GALNT14: variants seen among roughly 807,000 people sequenced by gnomAD.
The protein encoded by GALNT14 is polypeptide N-acetylgalactosaminyltransferase 14.
Under a neutral mutation model 77.5 loss-of-function variants are expected in GALNT14, and 60 were observed. That is an observed-to-expected ratio of 0.77 (90% CI 0.63 to 0.96). The LOEUF (loss-of-function observed/expected upper bound fraction) is 0.96. GALNT14 is among the 40% of genes least tolerant of loss of function. The pLI is 0.00. For synonymous variants in GALNT14, 280 were observed against 281.7 expected (o/e 0.99, Z 0.06); for missense variants, 710 against 731.0 (o/e 0.97, Z 0.33).
Position 30,980,717 on chromosome 2 carries a change from A to T in GALNT14, c.299+12121T>A, listed in dbSNP as rs140197828. On this transcript the variant is annotated intron_variant, in intron 2 of 14. Transcript: ENST00000349752. ...CTTCCTTCTCTGTGAAATGGCAATGACCTCTTCACCCAAAGGGCTACTGAG... is the reference window on the plus strand; with the variant it reads ...CTTCCTTCTCTGTGAAATGGCAATGTCCTCTTCACCCAAAGGGCTACTGAG... Among the ~76,000 whole-genome samples the T allele has an allele frequency of 4.6e-3, 695 of 152,248 alleles. 2 individuals are homozygous for T. Among genetic ancestry groups the T allele is most frequent in the Non-Finnish European group, 8.2e-3 (557 of 68,004 alleles).
chr2:30,945,609 C>T (rs1364102073), intron 7 of GALNT14, among the ~76,000 whole-genome samples, 174 bp downstream of exon 7: 1 of 152,214 alleles, frequency 6.6e-6, no homozygotes, highest in East Asian at 1.9e-4. Context: ...CCCCCTAGCC[C>T]TTCCATCCAC....
chr2:30,961,324 C>G (rs1037859490), intron 3 of GALNT14, among the ~76,000 whole-genome samples: 3 of 152,168 alleles, frequency 2.0e-5, no homozygotes, highest in African/African-American at 7.2e-5. Context: ...TCCATAAATA[C>G]CAGTAGAATG....
At chr2:31,082,285 C>G (rs573757642) in intron 1 of GALNT14, among the ~76,000 whole-genome samples, 1 of 152,360 alleles carries the variant, frequency 6.6e-6, no homozygotes, top group Admixed American at 6.5e-5. Context: ...CCAAGGCAGC[C>G]TCAGGATCCA....
the GALNT14 span, among the ~76,000 whole-genome samples, chr2:30,903,366 C>T: frequency 3.2e-3 from 486 of 152,320 alleles, no homozygotes; most frequent in Non-Finnish European, 5.8e-3. Context: ...ACACCTGATG[C>T]CTTGCTTCTC....
At chr2:30,934,336 A>T (rs1488394974) in intron 9 of GALNT14, among the ~76,000 whole-genome samples, 2 of 152,158 alleles carry the variant, frequency 1.3e-5, no homozygotes, top group African/African-American at 2.4e-5. Context: ...GAGACTCAAA[A>T]CAGGGCCTGC....
intron 3 of GALNT14, 71 bp downstream of exon 3, chr2:30,966,133 C>T (rs1667989330): frequency 1.7e-6 from 2 of 1,194,648 alleles, no homozygotes; most frequent in East Asian, 4.7e-5. Flanking sequence ...GCGCTGGGCA[C>T]CTGGGGAGCA....
intron 13 of GALNT14, among the ~76,000 whole-genome samples, chr2:30,917,519 T>C (rs1029151808): frequency 6.6e-6 from 1 of 152,156 alleles, no homozygotes; most frequent in Admixed American, 6.5e-5. Context: ...CCTTACCCCA[T>C]CTGTCAATAC....
chr2:30,983,041 A>T (rs552718696), intron 2 of GALNT14, among the ~76,000 whole-genome samples: 2 of 152,050 alleles, frequency 1.3e-5, no homozygotes, highest in Non-Finnish European at 2.9e-5. Context: ...AATCTTCTTC[A>T]CCCCTCTTCC....
chr2:31,048,029 G>C (rs150971240), intron 1 of GALNT14, among the ~76,000 whole-genome samples: 1,674 of 152,330 alleles, frequency 0.011, 22 homozygotes, highest in Non-Finnish European at 0.015. Flanking sequence ...GGGTCCATAA[G>C]ATTTAAAACA....
chr2:30,991,860 A>G (rs1020656645), intron 2 of GALNT14, among the ~76,000 whole-genome samples: 2 of 152,224 alleles, frequency 1.3e-5, no homozygotes, highest in African/African-American at 4.8e-5. Flanking sequence ...AATCAGCCTC[A>G]TAAGTCATGA....
In GALNT14 at chr2:31,082,163, A is replaced by G. The variant is rs1196694095; in HGVS notation, c.129+55795T>C. Among the ~76,000 whole-genome samples the G allele has an allele frequency of 1.9e-4, 29 of 152,246 alleles. 1 individual carries two copies. Among genetic ancestry groups the G allele is most frequent in the Admixed American group, 1.9e-3 (29 of 15,278 alleles). On this transcript the variant is annotated intron_variant, in intron 1 of 14. Transcript: ENST00000349752. ...AGGATGCCAGGACCTGAAATCGGGC[A>G]GAGTCCTGGGACAGTCAGTGGACTG...
At chr2:31,085,036 A>T (rs1321665967) in intron 1 of GALNT14, among the ~76,000 whole-genome samples, 1 of 152,104 alleles carries the variant, frequency 6.6e-6, no homozygotes, top group African/African-American at 2.4e-5. Context: ...AAAAAAAAAA[A>T]AAAGTAACAT....
At chr2:30,949,158 C>A (rs765109233) in intron 6 of GALNT14, among the ~76,000 whole-genome samples, 35 of 152,174 alleles carry the variant, frequency 2.3e-4, no homozygotes, top group African/African-American at 8.2e-4. Context: ...AGTCAGGACA[C>A]GACCTCTCTG....
At chr2:31,094,429 G>A (rs1396552668) in intron 1 of GALNT14, among the ~76,000 whole-genome samples, 1 of 152,206 alleles carries the variant, frequency 6.6e-6, no homozygotes, top group African/African-American at 2.4e-5. Flanking sequence ...CTGTTTGGTG[G>A]TCTCTTCACT....
intron 1 of GALNT14, among the ~76,000 whole-genome samples, chr2:31,043,305 C>A (rs1160826318): frequency 6.6e-6 from 1 of 152,190 alleles, no homozygotes; most frequent in East Asian, 1.9e-4. Flanking sequence ...TCTTACTTAG[C>A]ATTTACCTTT....
At chr2:31,130,312 C>T (rs1166308355) in intron 1 of GALNT14, among the ~76,000 whole-genome samples, 1 of 152,154 alleles carries the variant, frequency 6.6e-6, no homozygotes, top group African/African-American at 2.4e-5. Context: ...GTGTCCAGAG[C>T]GGTGCTCTCA....
intron 2 of GALNT14, among the ~76,000 whole-genome samples, chr2:30,992,254 C>T (rs548798693): frequency 1.1e-4 from 17 of 152,314 alleles, no homozygotes; most frequent in African/African-American, 4.1e-4. Context: ...CAGGCCTGAT[C>T]TCTGCAACCC....
chr2:31,007,631 T>A (rs1242524049), intron 1 of GALNT14, among the ~76,000 whole-genome samples: 1 of 152,128 alleles, frequency 6.6e-6, no homozygotes, highest in Non-Finnish European at 1.5e-5. Flanking sequence ...TGCTCTTTAA[T>A]CAAATCCGGT....
At chr2:31,036,244 G>T (rs1238291698) in intron 1 of GALNT14, among the ~76,000 whole-genome samples, 2 of 152,002 alleles carry the variant, frequency 1.3e-5, no homozygotes, top group Non-Finnish European at 2.9e-5. Flanking sequence ...ATGTTAAATG[G>T]ATATCTTCTA....
Sources: allele counts gnomAD v4.1 joint callset (sites outside exome capture counted in the v4.1 genomes callset), GRCh38; gene constraint gnomAD v4.1.1; transcripts MANE v1.5; gene names NCBI Gene and HGNC (gene_info 2026-07-23, HGNC 2026-07-21).